DNAJA3: variants seen among roughly 807,000 people sequenced by gnomAD.
DNAJA3 encodes dnaJ homolog subfamily A member 3, mitochondrial.
Under a neutral mutation model 54.9 loss-of-function variants are expected in DNAJA3, and 29 were observed. The ratio of observed to expected loss-of-function variants is 0.53; its 90% CI spans 0.39 to 0.72. The LOEUF is 0.72. Among genes scored for constraint, DNAJA3 ranks in the 30% least tolerant of loss-of-function variants. The probability of loss-of-function intolerance (pLI) is 0.00; values close to 1 mark genes in which losing one functional copy is unlikely to be tolerated. For synonymous variants in DNAJA3, 302 were observed against 251.4 expected (o/e 1.20, Z -1.90); for missense variants, 708 against 639.4 (o/e 1.11, Z -1.16).
At chr16:4,440,067 A>C (rs2056820498) in intron 3 of DNAJA3, among the ~76,000 whole-genome samples, 1 of 151,978 alleles carries the variant, frequency 6.6e-6, no homozygotes, top group African/African-American at 2.4e-5. Context: ...CCTCCCAAGT[A>C]GCTGGAACTA....
At position 4,450,591 on chromosome 16, in the gene DNAJA3, C is replaced by CG. The variant is rs1028700532; in HGVS notation, c.1339+97dup. On this transcript the variant is annotated intron_variant, in intron 10 of 11. Transcript: ENST00000262375. Reference sequence around the variant, plus strand: ...GGGCAGCATGTTGGGGTTTCCACTTCGGGTTCTTCATGAAGCCTTTAAAAT... The same window carrying CG: ...GGGCAGCATGTTGGGGTTTCCACTTCGGGGTTCTTCATGAAGCCTTTAAAAT... 6 of 973,414 alleles carry CG rather than the reference C, an allele frequency of 6.2e-6. No homozygotes were observed. The African/African-American group carries it at 9.9e-5, about 16-fold the overall frequency. The allele number at this position is 973,414 out of a possible 1,614,324, so 60.3% of individuals were successfully genotyped here. A position where few individuals can be genotyped will look rare whatever the true frequency, so the allele number is the denominator to read the frequency against.
intron 7 of DNAJA3, 100 bp downstream of exon 7, chr16:4,444,828 G>A: frequency 9.0e-7 from 1 of 1,107,048 alleles, no homozygotes. Context: ...ACAGGAACAT[G>A]TCTCGCCATT....
rs1041953998 is a variant in DNAJA3, at chr16:4,447,291, G to A, written c.1125+277G>A. 3 of 415,718 alleles carry A rather than the reference G, an allele frequency of 7.2e-6. No homozygotes were observed. The Admixed American group carries it at 1.2e-4, about 17-fold the overall frequency. 25.8% of individuals were successfully genotyped at this position (415,718 alleles called of 1,614,324 possible). ...CTGGGCGCATTCAGGACACAGAAGG[G>A]TTCACCCTGGGTTGTGCTCTCTGCA... On this transcript the variant is annotated intron_variant, in intron 8 of 11. Coordinates refer to ENST00000262375, the MANE Select transcript of DNAJA3 (RefSeq NM_005147.6).
At chr16:4,452,260 C>T (rs1393752072) in intron 10 of DNAJA3, among the ~76,000 whole-genome samples, 3 of 152,142 alleles carry the variant, frequency 2.0e-5, no homozygotes, top group African/African-American at 7.2e-5. Context: ...ATCAGTGCAC[C>T]TGTGGCTTCT....
chr16:4,428,042 C>T (rs981866727), intron 1 of DNAJA3, among the ~76,000 whole-genome samples: 1 of 152,032 alleles, frequency 6.6e-6, no homozygotes, highest in African/African-American at 2.4e-5. Context: ...AGCTCCGCCT[C>T]CCGGGTTCAC....
chr16:4,431,280 T>G (rs1426504597), intron 1 of DNAJA3, among the ~76,000 whole-genome samples: 3 of 152,048 alleles, frequency 2.0e-5, no homozygotes, highest in African/African-American at 7.3e-5. Flanking sequence ...AAAAAGAGGG[T>G]TGAGTACAAG....
rs530566201 is a variant in DNAJA3 at position 4,445,552 on chromosome 16, AT to A, written c.996+828del. Among the ~76,000 whole-genome samples, 541 of 152,128 alleles carry A rather than the reference AT, an allele frequency of 3.6e-3. 1 individual carries two copies. Among genetic ancestry groups the A allele is most frequent in the Non-Finnish European group, 5.6e-3 (383 of 67,966 alleles). On this transcript the variant is annotated intron_variant, in intron 7 of 11. Transcript: ENST00000262375. ...ACCGGTGTTTATGATGTTTTATTTTATTTTACTTTATTTTTTGAGGTGGGGT... is the reference window on the plus strand; with the variant it reads ...ACCGGTGTTTATGATGTTTTATTTTATTTACTTTATTTTTTGAGGTGGGGT...
chr16:4,434,654 C>G, intron 2 of DNAJA3, 137 bp downstream of exon 2: 8 of 1,086,310 alleles, frequency 7.4e-6, no homozygotes, highest in East Asian at 2.6e-5. Flanking sequence ...TGTGATAAAG[C>G]TGGACTTTGC....
rs906824211 is a variant in DNAJA3 at position 4,436,687 on chromosome 16, G to A, written c.346-715G>A. ...AGTACCTGTGTTTATAGGCGCGTGT[G>A]ACCATACCTGGCTAATTTTTGTATT... On this transcript the variant is annotated intron_variant, in intron 2 of 11. Transcript: ENST00000262375. Among the ~76,000 whole-genome samples the A allele has an allele frequency of 2.0e-5, 3 of 151,796 alleles. No individual in the cohort carries two copies. In the East Asian group the frequency reaches 5.8e-4, roughly 29 times the overall value.
chr16:4,435,562 A>C (rs545606285), intron 2 of DNAJA3, among the ~76,000 whole-genome samples: 2 of 152,290 alleles, frequency 1.3e-5, no homozygotes, highest in African/African-American at 4.8e-5. Flanking sequence ...CTCAATATTC[A>C]TATACAGGGA....
chr16:4,425,993 T>A lies in DNAJA3; in HGVS notation c.112T>A (p.Trp38Arg), dbSNP rs781745947. The A allele has an allele frequency of 1.0e-5, 16 of 1,602,194 alleles. No homozygotes were observed. Among genetic ancestry groups the A allele is most frequent in the Middle Eastern group, 1.7e-4 (1 of 5,860 alleles). Residue 38 changes from tryptophan (W) to arginine (R), a missense_variant, in exon 1 of 12, where the codon TGG (tryptophan) becomes AGG (arginine). Coordinates refer to ENST00000262375, the MANE Select transcript of DNAJA3 (RefSeq NM_005147.6). ...RPPREGVVGA[W>R]LSRKLSVPAF... ...GCCCAGGGAGGGCGTGGTGGGGGCA[T>A]GGCTGAGCCGCAAGCTGAGCGTCCC...
chr16:4,455,548 A>T lies in DNAJA3; in HGVS notation c.*16A>T. On this transcript the variant is annotated splice_region_variant and 3_prime_UTR_variant, in exon 12 of 12. Transcript: ENST00000262375. Reference sequence around the variant, plus strand: ...AACAGCCTATCTCTTTGGCTCAGGAAAAAGATCCACTGGAAACTAGGCCGG... The same window carrying T: ...AACAGCCTATCTCTTTGGCTCAGGATAAAGATCCACTGGAAACTAGGCCGG... 6.4e-7 allele frequency: 1 copy of T among 1,551,844 alleles called. No individual in the cohort carries two copies. Among genetic ancestry groups the T allele is most frequent in the African/African-American group, 1.4e-5 (1 of 73,166 alleles).
intron 2 of DNAJA3, 129 bp from the exon 3 acceptor site, chr16:4,437,273 G>C: frequency 1.3e-6 from 1 of 799,562 alleles, no homozygotes; most frequent in South Asian, 1.7e-5. Flanking sequence ...ACCCAGCCGA[G>C]AGACAACTTT....
intron 3 of DNAJA3, chr16:4,441,093 AGG>A: frequency 2.0e-6 from 1 of 494,052 alleles, no homozygotes; most frequent in Non-Finnish European, 3.6e-6. Flanking sequence ...GGTGCCTGTG[AGG>A]TCAAGCGAGG....
intron 3 of DNAJA3, 97 bp downstream of exon 3, chr16:4,437,582 TC>T: frequency 1.0e-6 from 1 of 978,364 alleles, no homozygotes; most frequent in Non-Finnish European, 1.6e-6. Flanking sequence ...TGTCATACAG[TC>T]CAGTGTGAAG....
At chr16:4,451,439 A>G (rs2056976398) in intron 10 of DNAJA3, among the ~76,000 whole-genome samples, 1 of 151,906 alleles carries the variant, frequency 6.6e-6, no homozygotes. Flanking sequence ...TGTTGCTCCC[A>G]GGGGACTGGA....
chr16:4,454,937 C>G lies in DNAJA3; in HGVS notation c.*13+10C>G. 1 of 1,580,472 alleles carries G rather than the reference C, an allele frequency of 6.3e-7. No homozygotes were observed. Among genetic ancestry groups the G allele is most frequent in the East Asian group, 2.2e-5 (1 of 44,624 alleles). Reference sequence around the variant, plus strand: ...TGATATCCCAGCCGAGGTAGGAAAACCCTGGAGGTTTTTTTTCCCTTTGTT... The same window carrying G: ...TGATATCCCAGCCGAGGTAGGAAAAGCCTGGAGGTTTTTTTTCCCTTTGTT... On this transcript the variant is annotated intron_variant, in intron 11 of 11. Coordinates refer to ENST00000262375, the MANE Select transcript of DNAJA3 (RefSeq NM_005147.6).
intron 4 of DNAJA3, 25 bp from the exon 5 acceptor site, chr16:4,442,243 A>C: frequency 6.5e-7 from 1 of 1,546,136 alleles, no homozygotes; most frequent in Non-Finnish European, 8.8e-7. Flanking sequence ...ACAAAAGTTG[A>C]CAGGCTGTCC....
At chr16:4,432,533 G>C (rs533749987) in intron 1 of DNAJA3, among the ~76,000 whole-genome samples, 4 of 149,338 alleles carry the variant, frequency 2.7e-5, no homozygotes, top group Non-Finnish European at 1.5e-5. Context: ...GTAGAGATGG[G>C]GTTTCTCCAT....
Sources: gnomAD v4.1 joint callset for allele counts (sites outside exome capture counted in the v4.1 genomes callset) on GRCh38, gnomAD v4.1.1 for gene constraint, MANE v1.5 for transcripts, NCBI Gene and HGNC (gene_info 2026-07-23, HGNC 2026-07-21) for gene names.